The following NF1 variants were observed in gnomAD, a reference collection of about 807,000 sequenced individuals.
NF1 encodes neurofibromin.
Under a neutral mutation model 325.7 loss-of-function variants are expected in NF1, and 122 were observed. The observed-to-expected ratio is 0.37, with a 90% CI of 0.32 to 0.44. The LOEUF is 0.44. Among genes scored for constraint, NF1 ranks in the 20% least tolerant of loss-of-function variants. The pLI is 1.00. For missense variants in NF1, 2,140 were observed against 3,415.4 expected, an observed-to-expected ratio of 0.63 and a Z score of 9.31; for synonymous variants, 1,091 against 1,186.0, an observed-to-expected ratio of 0.92 and a Z score of 1.65.
intron 12 of NF1, among the ~76,000 whole-genome samples, chr17:31,210,658 C>CA (rs1479441032): frequency 6.6e-6 from 1 of 151,948 alleles, no homozygotes; most frequent in Admixed American, 6.6e-5. Context: ...ACCAACCTGA[C>CA]AAAAATTTTT....
chr17:31,314,641 C>A lies in NF1; in HGVS notation c.4836-11179C>A, dbSNP rs150342395. Reference sequence around the variant, plus strand: ...ATTTTGCAAATGACAGGATCTCATTCTTTTTTATGGCTGAATAATACTCCA... The same window carrying A: ...ATTTTGCAAATGACAGGATCTCATTATTTTTTATGGCTGAATAATACTCCA... On this transcript the variant is annotated intron_variant, in intron 36 of 57. Transcript: ENST00000358273. 1.5e-4 allele frequency among the ~76,000 whole-genome samples: 23 copies of A among 152,182 alleles called. No homozygotes were observed. In the East Asian group the frequency reaches 3.7e-3, roughly 24 times the overall value.
intron 29 of NF1, 27 bp from the exon 30 acceptor site, chr17:31,248,957 T>G: frequency 6.2e-7 from 1 of 1,612,208 alleles, no homozygotes; most frequent in Non-Finnish European, 8.5e-7. Flanking sequence ...ACAAAAGTGT[T>G]AGGATTTTAT....
At chr17:31,099,771 G>A (rs1912134827) in intron 1 of NF1, among the ~76,000 whole-genome samples, 1 of 151,812 alleles carries the variant, frequency 6.6e-6, no homozygotes, top group Admixed American at 6.6e-5. Flanking sequence ...GTGTTGGCCA[G>A]GCTGGTCTCC....
Position 31,336,544 on chromosome 17 carries a change from A to G in NF1, c.6147+71A>G. 6.2e-7 allele frequency: 1 copy of G among 1,601,982 alleles called. No homozygotes were observed. Among genetic ancestry groups the G allele is most frequent in the African/African-American group, 1.3e-5 (1 of 74,280 alleles). ...ATCATCAGGAGGTTTTTTGTTTTGT[A>G]ATTACTTTTAAATTAAACTGAACTT... On this transcript the variant is annotated intron_variant, in intron 41 of 57. Coordinates refer to ENST00000358273, the MANE Select transcript of NF1 (RefSeq NM_001042492.3). This position sits in a 1 kb window ranked among gnomAD's most constrained non-coding sequence, Gnocchi z 5.5.
intron 36 of NF1, among the ~76,000 whole-genome samples, chr17:31,303,342 TAATA>T (rs1329377829): frequency 6.6e-6 from 1 of 152,178 alleles, no homozygotes; most frequent in Non-Finnish European, 1.5e-5. Context: ...ATTCCTACTC[TAATA>T]ACTCAGACTT....
At chr17:31,250,512 T>C (rs2067476227) in intron 30 of NF1, 1 of 204,720 alleles carries the variant, frequency 4.9e-6, no homozygotes. Flanking sequence ...GAATGGGGAC[T>C]GACTACATGA....
At chr17:31,352,989 A>G (rs1019413110) in intron 51 of NF1, among the ~76,000 whole-genome samples, 22 of 151,992 alleles carry the variant, frequency 1.4e-4, no homozygotes, top group African/African-American at 5.1e-4. Flanking sequence ...GCTCACTGCA[A>G]CCTCTGCCTC....
chr17:31,355,996 TA>T (rs2070260293), intron 51 of NF1: 1 of 155,642 alleles, frequency 6.4e-6, no homozygotes, highest in Non-Finnish European at 1.4e-5. Context: ...TTTCAAAGCT[TA>T]AAAAATTAAA....
rs113145760 is a variant in NF1 at position 31,282,104 on chromosome 17, C to T, written c.4835+16765C>T. ...TTTTTTTAAGTATACAATTTTGGGC[C>T]GGGCGTGGTGGTTCACGCCTGTAAT... On this transcript the variant is annotated intron_variant, in intron 36 of 57. Coordinates refer to ENST00000358273, the MANE Select transcript of NF1 (RefSeq NM_001042492.3). 4.0e-3 allele frequency among the ~76,000 whole-genome samples: 612 copies of T among 151,692 alleles called. 6 individuals are homozygous for T. Among genetic ancestry groups the T allele is most frequent in the African/African-American group, 0.014 (565 of 41,354 alleles).
At chr17:31,172,572 C>T (rs1422738677) in intron 5 of NF1, among the ~76,000 whole-genome samples, 3 of 152,122 alleles carry the variant, frequency 2.0e-5, no homozygotes, top group African/African-American at 7.2e-5. Context: ...TACAATAACC[C>T]TGTGACGCAA....
intron 8 of NF1, among the ~76,000 whole-genome samples, chr17:31,187,930 TG>T (rs372142803): frequency 5.3e-5 from 8 of 152,202 alleles, no homozygotes; most frequent in African/African-American, 1.9e-4. Flanking sequence ...CAGTGTTGGC[TG>T]GGGTGATTGA....
intron 31 of NF1, among the ~76,000 whole-genome samples, chr17:31,256,134 CTTTATTTA>C (rs527772575): frequency 6.5e-4 from 99 of 151,780 alleles, no homozygotes; most frequent in Non-Finnish European, 3.2e-4. Context: ...TTTTGTCTGC[CTTTATTTA>C]TTTATTTATT....
intron 36 of NF1, among the ~76,000 whole-genome samples, chr17:31,275,723 C>T (rs529393751): frequency 6.6e-6 from 1 of 152,270 alleles, no homozygotes; most frequent in African/African-American, 2.4e-5. Flanking sequence ...ACCTTTTATA[C>T]GATCCTTCCC....
intron 36 of NF1, among the ~76,000 whole-genome samples, chr17:31,282,431 C>T (rs1158928817): frequency 1.3e-5 from 2 of 150,584 alleles, no homozygotes; most frequent in Non-Finnish European, 3.0e-5. Flanking sequence ...GAGTTGTGTA[C>T]TCATTACCAC....
chr17:31,360,694 C>A lies in NF1; in HGVS notation c.8368C>A (p.His2790Asn). 1 of 1,611,986 alleles carries A rather than the reference C, an allele frequency of 6.2e-7. No individual in the cohort carries two copies. Among genetic ancestry groups the A allele is most frequent in the Non-Finnish European group, 8.5e-7 (1 of 1,178,084 alleles). ...NSMTSLATSQ[H>N]SPGIDKENVE... ...CATGACCTCACTTGCAACTTCCCAG[C>A]ATTCCCCAGGTCAGTAAATGTGATC... is the stretch of plus-strand genomic sequence containing the variant. The change falls in exon 57 of 58, where the codon CAT becomes AAT. Residue 2790 changes from histidine (H) to asparagine (N), a missense_variant. By Grantham distance (68) the His-to-Asn change is moderately conservative. Coordinates refer to ENST00000358273, the MANE Select transcript of NF1 (RefSeq NM_001042492.3).
rs1292261970 is a variant in NF1, at chr17:31,223,472, A to G, written c.1750A>G (p.Lys584Glu). Reference sequence around the variant, plus strand: ...ACAAATGCTTTTTTACATCTGCAAGAAATTAACTAGTCATCAAATGCTTAG... The same window carrying G: ...ACAAATGCTTTTTTACATCTGCAAGGAATTAACTAGTCATCAAATGCTTAG... ...SSQMLFYICK[K>E]LTSHQMLSST... Residue 584 changes from lysine to glutamate, a missense_variant, in exon 16 of 58, where the codon AAA (lysine) becomes GAA (glutamate). Physicochemically the swap from Lys to Glu is moderately conservative, Grantham distance 56. This residue lies in a region of NF1 where 179 missense variants were observed against 381.0 expected (regional missense o/e 0.47). Coordinates refer to ENST00000358273, the MANE Select transcript of NF1 (RefSeq NM_001042492.3). 1.2e-6 allele frequency: 2 copies of G among 1,612,878 alleles called. No homozygotes were observed. Among genetic ancestry groups the G allele is most frequent in the Non-Finnish European group, 1.7e-6 (2 of 1,179,294 alleles).
At chr17:31,334,350 C>A (rs1405718103) in intron 39 of NF1, among the ~76,000 whole-genome samples, 1 of 151,954 alleles carries the variant, frequency 6.6e-6, no homozygotes, top group Non-Finnish European at 1.5e-5. Flanking sequence ...ATATTCAGAG[C>A]CTACTGCATG....
rs758106590 is a variant in NF1, at chr17:31,352,250, C to T, written c.7458-7C>T. On this transcript the variant is annotated splice_region_variant and splice_polypyrimidine_tract_variant and intron_variant, in intron 50 of 57. Transcript: ENST00000358273. ...ATTGATTTTTCTCTATTGTTTTCAT[C>T]TTTCAGGACACTAAAGGAGACTCAG... 71 of 1,613,524 alleles carry T rather than the reference C, an allele frequency of 4.4e-5. No homozygotes were observed. The highest frequency in any genetic ancestry group is 5.4e-5 in the Non-Finnish European group (64 of 1,179,646).
intron 36 of NF1, among the ~76,000 whole-genome samples, chr17:31,280,282 G>A (rs2068091989): frequency 6.6e-6 from 1 of 151,316 alleles, no homozygotes; most frequent in Non-Finnish European, 1.5e-5. Flanking sequence ...GGGAAGCCGA[G>A]GCAGGGTGGA....
Sources: allele counts gnomAD v4.1 joint callset (sites outside exome capture counted in the v4.1 genomes callset), GRCh38; gene constraint gnomAD v4.1.1; regional missense constraint gnomAD v4.1.1; non-coding constraint Gnocchi (gnomAD v3.1); transcripts MANE v1.5; gene names NCBI Gene and HGNC (gene_info 2026-07-23, HGNC 2026-07-21).